The following PDE8B variants were observed in gnomAD, a reference collection of about 807,000 sequenced individuals.
PDE8B encodes the protein phosphodiesterase 8B.
In PDE8B, 26 loss-of-function variants were observed where a neutral mutation model predicts 101.3. That is an observed-to-expected ratio of 0.26 (90% CI 0.19 to 0.36). PDE8B has a LOEUF of 0.36. Among genes scored for constraint, PDE8B ranks in the 10% least tolerant of loss-of-function variants. PDE8B has a pLI of 1.00. For synonymous variants in PDE8B, 424 were observed against 429.3 expected (o/e 0.99, Z 0.15); for missense variants, 810 against 1,163.1 (o/e 0.70, Z 4.42).
At chr5:77,393,264 C>G (rs932502593) in intron 10 of PDE8B, among the ~76,000 whole-genome samples, 2 of 152,108 alleles carry the variant, frequency 1.3e-5, no homozygotes, top group South Asian at 4.2e-4. Flanking sequence ...TGTGGTGGCA[C>G]ATGCCTGTAA....
the PDE8B span, chr5:77,147,908 C>A: frequency 6.6e-6 from 1 of 152,170 alleles, no homozygotes; most frequent in African/African-American, 2.4e-5. Context: ...AGCCAGACTC[C>A]ACAGAAGCTG....
intron 10 of PDE8B, among the ~76,000 whole-genome samples, chr5:77,390,311 T>TTA (rs1450511759): frequency 6.6e-6 from 1 of 152,220 alleles, no homozygotes; most frequent in Non-Finnish European, 1.5e-5. Flanking sequence ...TTTGAAGTAA[T>TTA]TAAGGGTTTG....
chr5:77,124,361 G>T, the PDE8B span, among the ~76,000 whole-genome samples: 2 of 152,098 alleles, frequency 1.3e-5, no homozygotes, highest in Non-Finnish European at 2.9e-5. Context: ...AGGCTGAGGC[G>T]GGTGGATTGC....
chr5:77,306,777 TTC>T (rs998734871), intron 1 of PDE8B, among the ~76,000 whole-genome samples: 6 of 152,328 alleles, frequency 3.9e-5, no homozygotes, highest in African/African-American at 1.4e-4. Context: ...CTACCTTGAT[TTC>T]TCTCGTGAGT....
At chr5:77,253,307 C>T (rs1324964462) in intron 1 of PDE8B, among the ~76,000 whole-genome samples, 1 of 152,142 alleles carries the variant, frequency 6.6e-6, no homozygotes, top group African/African-American at 2.4e-5. Context: ...CACCTGGAGA[C>T]ACCTAATGAT....
At chr5:77,208,459 G>A (rs1747682360), upstream of PDE8B, among the ~76,000 whole-genome samples, 1 of 152,218 alleles carries the variant, frequency 6.6e-6, no homozygotes, top group Admixed American at 6.5e-5. Context: ...GACTAGTATA[G>A]AGACTAGTGT....
At chr5:77,416,898 C>G (rs55689454) in intron 17 of PDE8B, among the ~76,000 whole-genome samples, 5 of 152,058 alleles carry the variant, frequency 3.3e-5, no homozygotes, top group African/African-American at 1.2e-4. Flanking sequence ...CTCTCACTAT[C>G]CCTTCAGCCA....
intron 1 of PDE8B, among the ~76,000 whole-genome samples, chr5:77,270,461 CT>C (rs896796112): frequency 5.9e-5 from 9 of 152,156 alleles, no homozygotes; most frequent in African/African-American, 2.2e-4. Context: ...TTTCTCTTGT[CT>C]GGTTGCTCTA....
At chr5:77,325,066 A>G (rs1316353141) in intron 2 of PDE8B, among the ~76,000 whole-genome samples, 1 of 152,184 alleles carries the variant, frequency 6.6e-6, no homozygotes, top group Non-Finnish European at 1.5e-5. Context: ...AGACCACTGT[A>G]ACCAACTGGA....
intron 13 of PDE8B, among the ~76,000 whole-genome samples, chr5:77,408,054 T>C (rs907156053): frequency 1.3e-5 from 2 of 152,214 alleles, no homozygotes; most frequent in Non-Finnish European, 2.9e-5. Flanking sequence ...ACCCAGCTTC[T>C]GTGCAGAGAA....
At chr5:77,233,251 G>A (rs966448098) in intron 1 of PDE8B, among the ~76,000 whole-genome samples, 2 of 152,066 alleles carry the variant, frequency 1.3e-5, no homozygotes, top group African/African-American at 4.8e-5. Context: ...CTAAGAGAAG[G>A]CTGGGTGACA....
intron 7 of PDE8B, 21 bp from the exon 8 acceptor site, chr5:77,349,398 G>A (rs1780693672): frequency 1.2e-6 from 2 of 1,613,978 alleles, no homozygotes; most frequent in South Asian, 1.1e-5. Context: ...GCACTGATCT[G>A]TACCAACCTC....
chr5:77,305,620 TG>T (rs1771023698), intron 1 of PDE8B, among the ~76,000 whole-genome samples: 1 of 152,144 alleles, frequency 6.6e-6, no homozygotes, highest in African/African-American at 2.4e-5. Context: ...CCTTTCTGAC[TG>T]GAAGCCAGAG....
At chr5:77,184,520 T>A in the PDE8B span, among the ~76,000 whole-genome samples, 1 of 152,348 alleles carries the variant, frequency 6.6e-6, no homozygotes, top group South Asian at 2.1e-4. Flanking sequence ...TATTTGACCA[T>A]TTTTTGCCTA....
In PDE8B at chr5:77,344,922, C is replaced by T. The variant is rs1322898883; in HGVS notation, c.867C>T (p.His289=). 2 of 1,604,770 alleles carry T rather than the reference C, an allele frequency of 1.2e-6. No homozygotes were observed. The highest frequency in any genetic ancestry group is 1.7e-6 in the Non-Finnish European group (2 of 1,171,540). ...CCATAGAAATAACAAGCGATGACCA[C>T]GTGATTCAGGTATGGAAAGAAACCA... The part of the protein sequence containing the change: ...HEAIEITSDD[H]VIQYVNPAFE... The change falls in exon 7 of 22, where the codon CAC becomes CAT. Residue 289 remains histidine (H), a synonymous_variant. Transcript: ENST00000264917.
intron 11 of PDE8B, among the ~76,000 whole-genome samples, chr5:77,401,280 A>G (rs530439006): frequency 6.6e-6 from 1 of 152,292 alleles, no homozygotes; most frequent in East Asian, 1.9e-4. Context: ...TCACTCACAC[A>G]CATACATTTT....
At chr5:77,129,783 C>T in the PDE8B span, among the ~76,000 whole-genome samples, 63 of 152,280 alleles carry the variant, frequency 4.1e-4, no homozygotes, top group Middle Eastern at 3.4e-3. Flanking sequence ...TGTAGTGTTT[C>T]GCAGTAAAAG....
intron 10 of PDE8B, among the ~76,000 whole-genome samples, chr5:77,398,054 G>A (rs1791445921): frequency 6.6e-6 from 1 of 151,950 alleles, no homozygotes; most frequent in Non-Finnish European, 1.5e-5. Flanking sequence ...AGTCTTTGAT[G>A]CCGTCTGTTT....
intron 17 of PDE8B, among the ~76,000 whole-genome samples, chr5:77,413,727 T>C (rs751811346): frequency 3.3e-5 from 5 of 152,244 alleles, no homozygotes; most frequent in Non-Finnish European, 5.9e-5. Flanking sequence ...TTCCGCATTC[T>C]ACACTGTTTT....
Sources: gnomAD v4.1 joint callset for allele counts (sites outside exome capture counted in the v4.1 genomes callset) on GRCh38, gnomAD v4.1.1 for gene constraint, MANE v1.5 for transcripts, NCBI Gene and HGNC (gene_info 2026-07-23, HGNC 2026-07-21) for gene names.